Variants in ZNF461 observed in about 807,000 individuals in gnomAD.
ZNF461 encodes gonadotropin-inducible ovarian transcription factor-1.
ZNF461 carries 16 observed loss-of-function variants against 18.3 expected under a neutral mutation model. The ratio of observed to expected loss-of-function variants is 0.88; its 90% CI spans 0.59 to 1.33. The LOEUF (loss-of-function observed/expected upper bound fraction) is 1.33. ZNF461 is among the 40% of genes most tolerant of loss of function. ZNF461 has a pLI of 0.00. For synonymous variants in ZNF461, 179 were observed against 216.9 expected, an observed-to-expected ratio of 0.83 and a Z score of 1.54; for missense variants, 595 against 669.9, an observed-to-expected ratio of 0.89 and a Z score of 1.23.
At position 36,639,281 on chromosome 19, in the gene ZNF461, T is replaced by G. The variant is rs761665139; in HGVS notation, c.1064A>C (p.Lys355Thr). 1 of 1,614,132 alleles carries G rather than the reference T, an allele frequency of 6.2e-7. No homozygotes were observed. Among genetic ancestry groups the G allele is most frequent in the Admixed American group, 1.7e-5 (1 of 60,018 alleles). ...TCCACATTCTTTACATTCATAAGGT[T>G]TCTCTCCAGTATGGAGTCGCAGGTG... ...TEHLRLHTGE[K>T]PYECKECGKT... The change falls in exon 6 of 6, where the codon AAA (lysine) becomes ACA (threonine). Residue 355 changes from lysine (K) to threonine (T), a missense_variant. Coordinates refer to ENST00000588268, the MANE Select transcript of ZNF461 (RefSeq NM_153257.5).
At chr19:36,656,822 C>CT (rs74174425) in intron 3 of ZNF461, among the ~76,000 whole-genome samples, 1,550 of 141,538 alleles carry the variant, frequency 0.011, 22 homozygotes, top group Non-Finnish European at 0.014. Context: ...GATATTTATT[C>CT]TTTTTTTTTT....
chr19:36,665,528 G>T (rs1333875621), intron 1 of ZNF461, among the ~76,000 whole-genome samples: 1 of 152,074 alleles, frequency 6.6e-6, no homozygotes, highest in African/African-American at 2.4e-5. Flanking sequence ...GGCCAACATG[G>T]TGAAATCCCG....
intron 4 of ZNF461, among the ~76,000 whole-genome samples, chr19:36,647,007 G>C (rs2037540334): frequency 6.6e-6 from 1 of 152,168 alleles, no homozygotes; most frequent in Non-Finnish European, 1.5e-5. Context: ...TAAAAAGTTT[G>C]AGACTGATAA....
chr19:36,652,488 A>C (rs1349173710), intron 4 of ZNF461, among the ~76,000 whole-genome samples: 2 of 147,536 alleles, frequency 1.4e-5, no homozygotes, highest in African/African-American at 5.0e-5. Flanking sequence ...GTGACAGAGC[A>C]AGACTCCGTC....
At chr19:36,648,919 G>C (rs1188438370) in intron 4 of ZNF461, among the ~76,000 whole-genome samples, 2 of 152,130 alleles carry the variant, frequency 1.3e-5, no homozygotes, top group Admixed American at 6.6e-5. Context: ...AATGGCTAGT[G>C]ATTTTGAACA....
At chr19:36,652,601 A>C (rs1005752390) in intron 4 of ZNF461, among the ~76,000 whole-genome samples, 2 of 152,114 alleles carry the variant, frequency 1.3e-5, no homozygotes, top group Non-Finnish European at 2.9e-5. Flanking sequence ...CGTGACACTA[A>C]ATACACATAC....
chr19:36,663,516 AT>A (rs753269882), intron 2 of ZNF461, among the ~76,000 whole-genome samples: 1,493 of 129,844 alleles, frequency 0.011, 20 homozygotes, highest in African/African-American at 0.033. Flanking sequence ...TTATTATGTA[AT>A]TTTTTTTTTT....
intron 4 of ZNF461, among the ~76,000 whole-genome samples, chr19:36,655,315 A>G (rs1411784565): frequency 1.3e-5 from 2 of 152,182 alleles, no homozygotes; most frequent in African/African-American, 2.4e-5. Flanking sequence ...TAAAAAACTA[A>G]TAAGCAGGCT....
At position 36,637,893 on chromosome 19, in the gene ZNF461, C is replaced by T; in HGVS notation, c.*760G>A. ...GATGTTAGGGGAGAATTAATTTTCA[C>T]ATTTTTGGTAATTTTTGAATTTTTA... On this transcript the variant is annotated 3_prime_UTR_variant, in exon 6 of 6. Transcript: ENST00000588268. The T allele has an allele frequency of 5.4e-6, 2 of 369,660 alleles. No homozygotes were observed. Among genetic ancestry groups the T allele is most frequent in the Non-Finnish European group, 1.1e-5 (2 of 189,518 alleles). 22.9% of individuals were successfully genotyped at this position (369,660 alleles called of 1,614,324 possible).
At chr19:36,654,783 A>G (rs1456446962) in intron 4 of ZNF461, among the ~76,000 whole-genome samples, 1 of 151,902 alleles carries the variant, frequency 6.6e-6, no homozygotes, top group East Asian at 1.9e-4. Context: ...TTCCTTCTCA[A>G]TCATCCCTCT....
intron 5 of ZNF461, among the ~76,000 whole-genome samples, chr19:36,642,025 G>T (rs184360462): frequency 6.6e-6 from 1 of 152,122 alleles, no homozygotes; most frequent in Admixed American, 6.5e-5. Context: ...CTGAGCTCAA[G>T]AAATCCTCCT....
In ZNF461 at chr19:36,639,775, T is replaced by G; in HGVS notation, c.570A>C (p.Lys190Asn). The change falls in exon 6 of 6, where the codon AAA becomes AAC. Residue 190 changes from lysine to asparagine, a missense_variant. Coordinates refer to ENST00000588268, the MANE Select transcript of ZNF461 (RefSeq NM_153257.5). ...LLTQEFYDRE[K>N]ISECKKCRKI... is the part of the protein sequence containing the mutation. ...TTCTACACTTTTTACATTCAGAGAT[T>G]TTCTCTCTATCATAAAATTCTTGAG... The G allele has an allele frequency of 6.2e-7, 1 of 1,613,672 alleles. No homozygotes were observed. Among genetic ancestry groups the G allele is most frequent in the South Asian group, 1.1e-5 (1 of 91,052 alleles).
chr19:36,642,633 A>G (rs1356127136), intron 5 of ZNF461, among the ~76,000 whole-genome samples: 1 of 151,980 alleles, frequency 6.6e-6, no homozygotes. Context: ...TATTTATTGG[A>G]AACAATTCAC....
chr19:36,652,861 A>C (rs1430496582), intron 4 of ZNF461, among the ~76,000 whole-genome samples: 1 of 152,186 alleles, frequency 6.6e-6, no homozygotes, highest in Non-Finnish European at 1.5e-5. Flanking sequence ...CAACAAAGGC[A>C]TTCTGTCTAA....
At chr19:36,646,536 A>AT (rs1474293847) in intron 4 of ZNF461, among the ~76,000 whole-genome samples, 3 of 152,194 alleles carry the variant, frequency 2.0e-5, no homozygotes, top group Admixed American at 6.5e-5. Context: ...AACAAGTATG[A>AT]TTTTTTGGCT....
At chr19:36,665,961 G>T (rs2037916534) in intron 1 of ZNF461, among the ~76,000 whole-genome samples, 1 of 152,066 alleles carries the variant, frequency 6.6e-6, no homozygotes, top group African/African-American at 2.4e-5. Flanking sequence ...GGCGTCCTGA[G>T]CCTTAGATGT....
At chr19:36,653,684 GAACA>G (rs1359149408) in intron 4 of ZNF461, among the ~76,000 whole-genome samples, 1 of 152,140 alleles carries the variant, frequency 6.6e-6, no homozygotes, top group African/African-American at 2.4e-5. Flanking sequence ...ACTACCACGA[GAACA>G]GTATGGGGGA....
Position 36,656,491 on chromosome 19 carries a change from C to T in ZNF461, c.189G>A (p.Glu63=). 6.2e-7 allele frequency: 1 copy of T among 1,614,190 alleles called. No homozygotes were observed. Among genetic ancestry groups the T allele is most frequent in the South Asian group, 1.1e-5 (1 of 91,082 alleles). Residue 63 remains glutamate, a synonymous_variant, in exon 4 of 6, where the codon GAG becomes GAA. Transcript: ENST00000588268. Reference sequence around the variant, plus strand: ...TCTCTTCCCTCACAACCATCCAGGGCTCCTTCCCTTGCTCCAATGAGGAGA... The same window carrying T: ...TCTCTTCCCTCACAACCATCCAGGGTTCCTTCCCTTGCTCCAATGAGGAGA... ...AVISSLEQGK[E]PWMVVREETG...
intron 2 of ZNF461, among the ~76,000 whole-genome samples, chr19:36,660,310 C>G (rs1304747061): frequency 6.6e-6 from 1 of 151,722 alleles, no homozygotes; most frequent in Admixed American, 6.6e-5. Context: ...CCACCGCACC[C>G]GGCTAGTTTT....
Sources: gnomAD v4.1 joint callset for allele counts (sites outside exome capture counted in the v4.1 genomes callset) on GRCh38, gnomAD v4.1.1 for gene constraint, MANE v1.5 for transcripts, NCBI Gene and HGNC (gene_info 2026-07-23, HGNC 2026-07-21) for gene names.